The following TLN2 variants were observed in gnomAD, a reference collection of about 807,000 sequenced individuals.
TLN2 encodes the protein talin-2.
In TLN2, 118 loss-of-function variants were observed where a neutral mutation model predicts 294.7. The ratio of observed to expected loss-of-function variants is 0.40; its 90% confidence interval spans 0.34 to 0.47. The LOEUF (loss-of-function observed/expected upper bound fraction) is 0.47. Ranked by LOEUF, TLN2 falls within the 20% of genes least tolerant of loss-of-function variation. TLN2 has a pLI of 0.84. For missense variants in TLN2, 3,083 were observed against 3,282.2 expected (o/e 0.94, Z 1.48); for synonymous variants, 1,431 against 1,304.5 (o/e 1.10, Z -2.09).
At chr15:62,511,448 A>G (rs780160720) in intron 1 of TLN2, among the ~76,000 whole-genome samples, 3 of 152,126 alleles carry the variant, frequency 2.0e-5, no homozygotes, top group Non-Finnish European at 2.9e-5. Context: ...TTCACATTCT[A>G]TCCCATAGTG....
At chr15:62,705,807 G>T (rs898942433) in intron 19 of TLN2, among the ~76,000 whole-genome samples, 4 of 152,332 alleles carry the variant, frequency 2.6e-5, no homozygotes, top group African/African-American at 9.6e-5. Context: ...ATCCCAAAGG[G>T]ATCTTCTGCT....
chr15:62,790,050 A>G (rs1045979449), intron 45 of TLN2, among the ~76,000 whole-genome samples: 1 of 152,168 alleles, frequency 6.6e-6, no homozygotes, highest in African/African-American at 2.4e-5. Flanking sequence ...CCTTGTCCGC[A>G]GTGGTCAAGA....
chr15:62,708,709 C>G lies in TLN2; in HGVS notation c.2380C>G (p.Arg794Gly), dbSNP rs970513400. ...GCAGCATGTGCGGCAGTTTGCCAGC[C>G]GAGGCGAGCCCATCGGCCGCTACGA... Reference protein sequence around the residue: ...LLQHVRQFASRGEPIGRYDQA... With the variant: ...LLQHVRQFASGGEPIGRYDQA... Residue 794 changes from arginine to glycine, a missense_variant, in exon 21 of 59, where the codon CGA becomes GGA. Physicochemically the swap from Arg to Gly is moderately radical, Grantham distance 125. Coordinates refer to ENST00000636159, the MANE Select transcript of TLN2 (RefSeq NM_015059.3). 6.2e-7 allele frequency: 1 copy of G among 1,613,538 alleles called. No homozygotes were observed. The highest frequency in any genetic ancestry group is 1.1e-5 in the South Asian group (1 of 91,084).
At chr15:62,631,504 TTC>T (rs903050273) in intron 3 of TLN2, among the ~76,000 whole-genome samples, 143 of 143,942 alleles carry the variant, frequency 9.9e-4, no homozygotes, top group African/African-American at 3.5e-3. Flanking sequence ...TCTTCCTCTT[TTC>T]TTTCTTTCTT....
At chr15:62,721,833 G>C (rs986228910) in intron 25 of TLN2, among the ~76,000 whole-genome samples, 2 of 152,096 alleles carry the variant, frequency 1.3e-5, no homozygotes, top group Admixed American at 6.5e-5. Flanking sequence ...GGATATGTGA[G>C]ACAAGGAGAT....
At chr15:62,416,599 A>C (rs969927798) in intron 1 of TLN2, among the ~76,000 whole-genome samples, 14 of 152,210 alleles carry the variant, frequency 9.2e-5, no homozygotes, top group African/African-American at 3.4e-4. Context: ...TGACAGCTGA[A>C]GTTAGGCTCA....
At position 62,594,636 on chromosome 15, in the gene TLN2, C is replaced by T. The variant is rs549951506; in HGVS notation, c.-162+4874C>T. On this transcript the variant is annotated intron_variant, in intron 2 of 58. Coordinates refer to ENST00000636159, the MANE Select transcript of TLN2 (RefSeq NM_015059.3). ...AAAAATGAAATTAGACCATATCTCA[C>T]ATTATATACAAAAATCAACTGAAAA... Among the ~76,000 whole-genome samples, 12 of 152,304 alleles carry T rather than the reference C, an allele frequency of 7.9e-5. 1 individual carries two copies. In the South Asian group the frequency reaches 2.5e-3, roughly 32 times the overall value.
chr15:62,644,678 G>A (rs962932242), intron 3 of TLN2: 1 of 433,618 alleles, frequency 2.3e-6, no homozygotes, highest in East Asian at 7.0e-5. Context: ...GCCCTGCAGG[G>A]CTCCCTCCTT....
chr15:62,642,631 T>C (rs1251549955), intron 3 of TLN2, among the ~76,000 whole-genome samples: 1 of 152,236 alleles, frequency 6.6e-6, no homozygotes, highest in African/African-American at 2.4e-5. Flanking sequence ...TTAGTCTACA[T>C]TTCTAGGTTG....
At chr15:62,813,951 A>C (rs2066887401) in intron 52 of TLN2, among the ~76,000 whole-genome samples, 1 of 151,914 alleles carries the variant, frequency 6.6e-6, no homozygotes, top group African/African-American at 2.4e-5. Flanking sequence ...AGTAGCTGGG[A>C]TTACAGGCAC....
chr15:62,683,459 GCATTCTCC>G (rs1567342195), intron 11 of TLN2, among the ~76,000 whole-genome samples: 16 of 144,972 alleles, frequency 1.1e-4, no homozygotes, highest in African/African-American at 3.8e-4. Context: ...TAGAATGCCT[GCATTCTCC>G]CGCCTCTCAT....
In TLN2 at chr15:62,797,895, G is replaced by A. The variant is rs530332115; in HGVS notation, c.6234+493G>A. ...ATAGAGGTAGCGACTGCAACCACAC[G>A]AGAGGAAAAGCCAGGGAGTCGGGGC... On this transcript the variant is annotated intron_variant, in intron 48 of 58. Coordinates refer to ENST00000636159, the MANE Select transcript of TLN2 (RefSeq NM_015059.3). Among the ~76,000 whole-genome samples, 5 of 152,336 alleles carry A rather than the reference G, an allele frequency of 3.3e-5. No individual in the cohort carries two copies. The East Asian group carries it at 5.8e-4, about 18-fold the overall frequency.
At chr15:62,565,769 T>G (rs1056743694) in intron 1 of TLN2, among the ~76,000 whole-genome samples, 1 of 152,334 alleles carries the variant, frequency 6.6e-6, no homozygotes, top group African/African-American at 2.4e-5. Context: ...GTTAGTCAGC[T>G]TTCAAATAAT....
intron 1 of TLN2, among the ~76,000 whole-genome samples, chr15:62,424,332 A>G (rs2140277191): frequency 6.6e-6 from 1 of 152,286 alleles, no homozygotes; most frequent in South Asian, 2.1e-4. Context: ...TGGCATTGTG[A>G]GTGGCTGAAG....
chr15:62,696,164 C>T (rs2058316716), intron 14 of TLN2, among the ~76,000 whole-genome samples: 1 of 152,194 alleles, frequency 6.6e-6, no homozygotes, highest in South Asian at 2.1e-4. Context: ...ATGCCTGTTG[C>T]TTGGGATCCC....
At chr15:62,659,198 A>G (rs1279066921) in intron 9 of TLN2, among the ~76,000 whole-genome samples, 3 of 152,180 alleles carry the variant, frequency 2.0e-5, no homozygotes, top group African/African-American at 4.8e-5. Flanking sequence ...AATTGAGAAC[A>G]TAGTATTTTA....
intron 9 of TLN2, among the ~76,000 whole-genome samples, chr15:62,664,314 GA>G (rs1055086113): frequency 2.6e-5 from 4 of 151,954 alleles, no homozygotes; most frequent in African/African-American, 9.7e-5. Flanking sequence ...ATAAAGACAT[GA>G]AAAGATGTTT....
At chr15:62,555,710 C>G (rs940165585) in intron 1 of TLN2, among the ~76,000 whole-genome samples, 1 of 152,130 alleles carries the variant, frequency 6.6e-6, no homozygotes, top group African/African-American at 2.4e-5. Context: ...TGGATTTTTA[C>G]TTTTCCCGGT....
Position 62,638,614 on chromosome 15 carries a change from T to C in TLN2, c.-36-8661T>C, listed in dbSNP as rs1250016702. 6.6e-6 allele frequency: 3 copies of C among 456,054 alleles called. No individual in the cohort carries two copies. In the Admixed American group the frequency reaches 7.0e-5, roughly 11 times the overall value. The allele number at this position is 456,054 out of a possible 1,614,324, so 28.3% of individuals were successfully genotyped here. ...CTCTTGACTTCAAGGTTTTAGTTTC[T>C]TCACCTGAAAATGGAAAATAGTATC... On this transcript the variant is annotated intron_variant, in intron 3 of 58. Transcript: ENST00000636159.
Sources: allele counts gnomAD v4.1 joint callset (sites outside exome capture counted in the v4.1 genomes callset), GRCh38; gene constraint gnomAD v4.1.1; transcripts MANE v1.5; gene names NCBI Gene and HGNC (gene_info 2026-07-23, HGNC 2026-07-21).